The following FN1 variants were observed in gnomAD, a reference collection of about 807,000 sequenced individuals.
FN1 encodes fibronectin.
FN1 carries 106 observed loss-of-function variants against 297.3 expected under a neutral mutation model. The ratio of observed to expected loss-of-function variants is 0.36; its 90% CI spans 0.30 to 0.42. The LOEUF (loss-of-function observed/expected upper bound fraction) is 0.42. Ranked by LOEUF, FN1 falls within the 10% of genes least tolerant of loss-of-function variation. The pLI is 1.00. For missense variants in FN1, 2,690 were observed against 3,124.9 expected (o/e 0.86, Z 3.32); for synonymous variants, 1,149 against 1,152.6 (o/e 1.00, Z 0.06).
chr2:215,370,999 G>A (rs2055917809), intron 40 of FN1, among the ~76,000 whole-genome samples: 2 of 152,236 alleles, frequency 1.3e-5, no homozygotes, highest in African/African-American at 4.8e-5. Context: ...GGTGTAGTGG[G>A]TGGCTCATGC....
intron 40 of FN1, 108 bp from the exon 41 acceptor site, chr2:215,370,540 C>CCAAAAAAAAA (rs1553600561): frequency 3.3e-5 from 10 of 300,096 alleles, no homozygotes; most frequent in African/African-American, 2.9e-4. Context: ...CAAAGGAAGA[C>CCAAAAAAAAA]AAAAAACAAA....
chr2:215,433,118 A>G (rs906854412), intron 3 of FN1, among the ~76,000 whole-genome samples: 2 of 152,186 alleles, frequency 1.3e-5, no homozygotes, highest in Non-Finnish European at 2.9e-5. Flanking sequence ...AAACGCACAC[A>G]CATCAAACAC....
chr2:215,382,389 G>A (rs531547847), intron 31 of FN1, 64 bp from the exon 32 acceptor site: 49 of 1,048,132 alleles, frequency 4.7e-5, no homozygotes, highest in African/African-American at 7.8e-5. Flanking sequence ...CTCAAGTGGC[G>A]TCTAGAGTTT....
chr2:215,394,780 ACTAGAC>A, intron 23 of FN1, 61 bp from the exon 24 acceptor site: 1 of 1,296,216 alleles, frequency 7.7e-7, no homozygotes, highest in Non-Finnish European at 1.1e-6. Context: ...AGCATATTTA[ACTAGAC>A]TCCAATGATG....
At chr2:215,361,762 A>C (rs999229825) in intron 45 of FN1, 136 bp from the exon 46 acceptor site, 1 of 994,632 alleles carries the variant, frequency 1.0e-6, no homozygotes, top group African/African-American at 1.6e-5. Flanking sequence ...TCAAGAACCT[A>C]GCAGCATACT....
At position 215,368,018 on chromosome 2, in the gene FN1, C is replaced by G. The variant is rs757231651; in HGVS notation, c.6863G>C (p.Gly2288Ala). Residue 2288 changes from glycine to alanine, a missense_variant, in exon 42 of 46, where the codon GGC (glycine) becomes GCC (alanine). Physicochemically the swap from Gly to Ala is moderately conservative, Grantham distance 60. Transcript: ENST00000354785. ...VVTVGNSVNEGLNQPTDDSCF... is the reference protein window; with the variant it reads ...VVTVGNSVNEALNQPTDDSCF... Reference sequence around the variant, plus strand: ...CGAGTCATCCGTAGGTTGGTTCAAGCCTTCGTTGACTATGAAGAAAAGGAA... The same window carrying G: ...CGAGTCATCCGTAGGTTGGTTCAAGGCTTCGTTGACTATGAAGAAAAGGAA... 1.9e-6 allele frequency: 3 copies of G among 1,613,996 alleles called. No homozygotes were observed. The East Asian group carries it at 6.7e-5, about 36-fold the overall frequency.
intron 44 of FN1, chr2:215,364,605 T>C (rs2054162002): frequency 1.9e-6 from 1 of 532,346 alleles, no homozygotes; most frequent in Admixed American, 3.1e-5. Context: ...ATGACAGGTG[T>C]TGCTATTAAG....
rs778018815 is a variant in FN1 at position 215,430,817 on chromosome 2, A to G, written c.583T>C (p.Tyr195His). Residue 195 changes from tyrosine to histidine, a missense_variant, in exon 5 of 46, where the codon TAT (tyrosine) becomes CAT (histidine). This residue lies in a region of FN1 where 876 missense variants were observed against 1,058.1 expected (regional missense o/e 0.83). Transcript: ENST00000354785. ...KCFDHAAGTS[Y>H]VVGETWEKPY... ...TTCTCCCACGTTTCTCCGACCACATAGGAAGTCCCAGCAGCATGATCAAAA... is the reference window on the plus strand; with the variant it reads ...TTCTCCCACGTTTCTCCGACCACATGGGAAGTCCCAGCAGCATGATCAAAA... 8 of 1,614,166 alleles carry G rather than the reference A, an allele frequency of 5.0e-6. No homozygotes were observed. Among genetic ancestry groups the G allele is most frequent in the Admixed American group, 3.3e-5 (2 of 60,028 alleles).
In FN1 at chr2:215,436,058, C is replaced by A; in HGVS notation, c.-256G>T. On this transcript the variant is annotated 5_prime_UTR_variant, in exon 1 of 46. Coordinates refer to ENST00000354785, the MANE Select transcript of FN1 (RefSeq NM_212482.4). ...CCTCTCCTCCCCCTGTGCAGCACAGCCGGCGCGGGCGTCCGAGCGCCGGGA... is the reference window on the plus strand; with the variant it reads ...CCTCTCCTCCCCCTGTGCAGCACAGACGGCGCGGGCGTCCGAGCGCCGGGA... 1 of 628,610 alleles carries A rather than the reference C, an allele frequency of 1.6e-6. No homozygotes were observed. The highest frequency in any genetic ancestry group is 2.4e-6 in the Non-Finnish European group (1 of 414,280). The allele number at this position is 628,610 out of a possible 1,614,324, so 38.9% of individuals were successfully genotyped here.
chr2:215,398,419 G>C (rs2060570401), intron 21 of FN1, among the ~76,000 whole-genome samples: 1 of 152,098 alleles, frequency 6.6e-6, no homozygotes, highest in Admixed American at 6.5e-5. Context: ...AAAAACTTAG[G>C]TAACACTGTT....
chr2:215,361,144 C>A lies in FN1; in HGVS notation c.*411G>T. On this transcript the variant is annotated 3_prime_UTR_variant, in exon 46 of 46. Coordinates refer to ENST00000354785, the MANE Select transcript of FN1 (RefSeq NM_212482.4). ...CACAGTAACAAGATCATGCTTGTTC[C>A]TACAGTATTGCGGGCCAGACACTTA... is the stretch of plus-strand genomic sequence containing the variant. The A allele has an allele frequency of 4.8e-6, 1 of 207,038 alleles. No individual in the cohort carries two copies. The highest frequency in any genetic ancestry group is 9.9e-6 in the Non-Finnish European group (1 of 100,980). The allele number at this position is 207,038 out of a possible 1,614,324, so 12.8% of individuals were successfully genotyped here.
chr2:215,397,127 C>T lies in FN1; in HGVS notation c.3604+10G>A. Reference sequence around the variant, plus strand: ...GTGTATACTTGCCCTCTGATCCATCCCAAACTTACCTGGGGTGGTGCTCCT... The same window carrying T: ...GTGTATACTTGCCCTCTGATCCATCTCAAACTTACCTGGGGTGGTGCTCCT... On this transcript the variant is annotated intron_variant, in intron 23 of 45. Coordinates refer to ENST00000354785, the MANE Select transcript of FN1 (RefSeq NM_212482.4). 6.2e-7 allele frequency: 1 copy of T among 1,600,926 alleles called. No homozygotes were observed. Among genetic ancestry groups the T allele is most frequent in the Non-Finnish European group, 8.6e-7 (1 of 1,168,018 alleles).
intron 28 of FN1, among the ~76,000 whole-genome samples, chr2:215,385,683 G>T (rs564233772): frequency 6.6e-6 from 1 of 151,478 alleles, no homozygotes; most frequent in Non-Finnish European, 1.5e-5. Context: ...TACTGTTCCC[G>T]TAAGTACTTC....
At chr2:215,366,499 T>C (rs2054633792) in intron 42 of FN1, among the ~76,000 whole-genome samples, 1 of 152,216 alleles carries the variant, frequency 6.6e-6, no homozygotes, top group Admixed American at 6.5e-5. Context: ...AAATCATTGG[T>C]TATTATCCAC....
rs780756398 is a variant in FN1 at position 215,367,930 on chromosome 2, T to C, written c.6951A>G (p.Glu2317=). Residue 2317 remains glutamate (E), a synonymous_variant, in exon 42 of 46, where the codon GAA becomes GAG. Coordinates refer to ENST00000354785, the MANE Select transcript of FN1 (RefSeq NM_212482.4). ...AVGDEWERMS[E]SGFKLLCQCL... is the part of the protein sequence containing the mutation. Reference sequence around the variant, plus strand: ...ACTGGCACAACAGTTTAAAGCCTGATTCAGACATTCGTTCCCACTCATCTC... The same window carrying C: ...ACTGGCACAACAGTTTAAAGCCTGACTCAGACATTCGTTCCCACTCATCTC... 1.7e-5 allele frequency: 27 copies of C among 1,613,948 alleles called. No individual in the cohort carries two copies. The highest frequency in any genetic ancestry group is 1.6e-4 in the African/African-American group (12 of 74,930).
chr2:215,364,459 G>T, intron 44 of FN1: 1 of 280,974 alleles, frequency 3.6e-6, no homozygotes, highest in Non-Finnish European at 7.0e-6. Flanking sequence ...CCAGGATGGG[G>T]AGAACCGGCT....
At chr2:215,401,198 A>AAAAAGAAAGAAAG (rs2060989870) in intron 20 of FN1, among the ~76,000 whole-genome samples, 21 of 86,822 alleles carry the variant, frequency 2.4e-4, no homozygotes, top group African/African-American at 9.7e-4. Context: ...AGAAAGAAAG[A>AAAAAGAAAGAAAG]AAAGAAAGAA....
At chr2:215,411,903 G>A (rs1298730890) in intron 13 of FN1, among the ~76,000 whole-genome samples, 2 of 152,012 alleles carry the variant, frequency 1.3e-5, no homozygotes, top group African/African-American at 2.4e-5. Flanking sequence ...TCTTGACCTC[G>A]TGATCCGCCC....
chr2:215,375,750 T>G (rs779761531), intron 36 of FN1, 32 bp from the exon 37 acceptor site: 4 of 1,404,502 alleles, frequency 2.8e-6, no homozygotes, highest in African/African-American at 2.8e-5. Context: ...TTTTTAACAG[T>G]TCTTGCTTTT....
Sources: gnomAD v4.1 joint callset for allele counts (sites outside exome capture counted in the v4.1 genomes callset) on GRCh38, gnomAD v4.1.1 for gene constraint, gnomAD v4.1.1 regional missense constraint, MANE v1.5 for transcripts, NCBI Gene and HGNC (gene_info 2026-07-23, HGNC 2026-07-21) for gene names.